Variants in TNS1 observed in about 807,000 individuals in gnomAD.
TNS1 encodes the protein tensin-1.
TNS1 carries 62 observed loss-of-function variants against 168.6 expected under a neutral mutation model. The observed-to-expected ratio is 0.37, with a 90% CI of 0.30 to 0.45. The LOEUF (loss-of-function observed/expected upper bound fraction) is 0.45. Ranked by LOEUF, TNS1 falls within the 20% of genes least tolerant of loss-of-function variation. The pLI, the probability that TNS1 is intolerant of heterozygous loss-of-function variation, is 1.00. For synonymous variants in TNS1, 934 were observed against 933.2 expected, an observed-to-expected ratio of 1.00 and a Z score of -0.02; for missense variants, 2,240 against 2,339.4, an observed-to-expected ratio of 0.96 and a Z score of 0.88.
chr2:217,808,948 A>C (rs530623664), intron 30 of TNS1, among the ~76,000 whole-genome samples: 1 of 152,324 alleles, frequency 6.6e-6, no homozygotes, highest in Admixed American at 6.5e-5. Context: ...CTGGAAGAAG[A>C]AGCAAAGAGG....
At chr2:217,934,496 G>T (rs1956497899) in intron 3 of TNS1, among the ~76,000 whole-genome samples, 1 of 152,188 alleles carries the variant, frequency 6.6e-6, no homozygotes, top group Non-Finnish European at 1.5e-5. Flanking sequence ...TACTCACTTT[G>T]CCTCTGCACC....
chr2:217,888,151 G>A (rs1014898548), intron 12 of TNS1, among the ~76,000 whole-genome samples: 5 of 152,184 alleles, frequency 3.3e-5, no homozygotes, highest in African/African-American at 4.8e-5. Flanking sequence ...TACTCAAGCC[G>A]GAAACCTGGA....
intron 3 of TNS1, among the ~76,000 whole-genome samples, chr2:217,954,410 C>G (rs886543123): frequency 1.1e-4 from 17 of 152,158 alleles, no homozygotes; most frequent in African/African-American, 2.4e-5. Context: ...GGCGATGATG[C>G]TGATGATGAT....
chr2:218,019,538 G>A (rs756860091), intron 1 of TNS1, among the ~76,000 whole-genome samples: 14 of 152,204 alleles, frequency 9.2e-5, no homozygotes, highest in Non-Finnish European at 1.8e-4. Context: ...GAGGACTCAC[G>A]GGGCCTCTTT....
At chr2:217,926,751 C>T (rs1003585563) in intron 3 of TNS1, among the ~76,000 whole-genome samples, 3 of 152,244 alleles carry the variant, frequency 2.0e-5, no homozygotes, top group South Asian at 2.1e-4. Context: ...CAACCACCCA[C>T]GAGGCAAGCA....
intron 19 of TNS1, among the ~76,000 whole-genome samples, chr2:217,842,764 G>A (rs1946149101): frequency 6.6e-6 from 1 of 152,092 alleles, no homozygotes; most frequent in South Asian, 2.1e-4. Flanking sequence ...CTCTGAACTT[G>A]TGTCCTGCTA....
chr2:217,855,556 ATCTC>A lies in TNS1; in HGVS notation c.1430-6473_1430-6470del, dbSNP rs3838562. 3.5e-3 allele frequency among the ~76,000 whole-genome samples: 511 copies of A among 147,536 alleles called. 3 individuals carry two copies. The highest frequency in any genetic ancestry group is 4.1e-3 in the Admixed American group (60 of 14,808). On this transcript the variant is annotated intron_variant, in intron 18 of 32. Coordinates refer to ENST00000682258, the MANE Select transcript of TNS1 (RefSeq NM_001387777.1). ...GAGAGCTTGTTGAGGAAGAGCCTTT[ATCTC>A]TCTCTCTCTCTCTCTCTCTCCCTCT...
intron 3 of TNS1, among the ~76,000 whole-genome samples, chr2:217,945,805 C>T (rs1957090621): frequency 6.6e-6 from 1 of 152,182 alleles, no homozygotes; most frequent in Non-Finnish European, 1.5e-5. Flanking sequence ...TAACCCCTAC[C>T]TGCCACCCCC....
upstream of TNS1, among the ~76,000 whole-genome samples, chr2:218,003,197 C>T (rs186711524): frequency 6.6e-5 from 10 of 150,832 alleles, no homozygotes; most frequent in Non-Finnish European, 7.4e-5. Flanking sequence ...CCCCCCAGGC[C>T]GTGCCCCCCA....
At chr2:217,951,948 C>T (rs1235687661) in intron 3 of TNS1, among the ~76,000 whole-genome samples, 1 of 152,222 alleles carries the variant, frequency 6.6e-6, no homozygotes, top group Non-Finnish European at 1.5e-5. Flanking sequence ...CCCCTTCATT[C>T]CACAAGTACT....
intron 18 of TNS1, 33 bp from the exon 19 acceptor site, chr2:217,849,120 G>C (rs1947119283): frequency 1.9e-6 from 3 of 1,584,394 alleles, no homozygotes; most frequent in South Asian, 2.3e-5. Context: ...GGAGACAACA[G>C]ACAACAGACA....
intron 18 of TNS1, among the ~76,000 whole-genome samples, chr2:217,861,066 G>C (rs560807344): frequency 1.3e-5 from 2 of 152,292 alleles, no homozygotes; most frequent in South Asian, 4.2e-4. Flanking sequence ...AGAGAGTCAG[G>C]TTTGGCAAAA....
intron 3 of TNS1, among the ~76,000 whole-genome samples, chr2:217,951,658 C>G (rs1344333536): frequency 6.6e-6 from 1 of 152,102 alleles, no homozygotes; most frequent in Non-Finnish European, 1.5e-5. Flanking sequence ...CCCAGGCCCT[C>G]AGGGCTCACT....
At chr2:218,014,187 G>A (rs1392960742), upstream of TNS1, among the ~76,000 whole-genome samples, 1 of 152,176 alleles carries the variant, frequency 6.6e-6, no homozygotes, top group Admixed American at 6.5e-5. Flanking sequence ...GCATCTGATC[G>A]GAGACTCCAG....
chr2:217,862,253 C>T (rs943199344), intron 18 of TNS1, among the ~76,000 whole-genome samples: 1 of 151,982 alleles, frequency 6.6e-6, no homozygotes, highest in African/African-American at 2.4e-5. Context: ...TACACTTCGT[C>T]TTACCATGTT....
intron 4 of TNS1, among the ~76,000 whole-genome samples, chr2:217,918,146 C>T (rs1329270698): frequency 6.6e-6 from 1 of 152,164 alleles, no homozygotes; most frequent in Non-Finnish European, 1.5e-5. Context: ...CATTGAAGGA[C>T]TTGGAAAACA....
chr2:217,807,960 G>C, intron 32 of TNS1, 115 bp downstream of exon 32: 1 of 1,278,898 alleles, frequency 7.8e-7, no homozygotes, highest in Non-Finnish European at 1.1e-6. Flanking sequence ...TTGGCACAAA[G>C]GTTTTTGCTG....
At position 217,964,457 on chromosome 2, in the gene TNS1, G is replaced by A. The variant is rs556402968; in HGVS notation, c.186+14308C>T. Among the ~76,000 whole-genome samples, 3 of 152,270 alleles carry A rather than the reference G, an allele frequency of 2.0e-5. No individual in the cohort carries two copies. The East Asian group carries it at 5.8e-4, about 29-fold the overall frequency. ...GCCTGGGCTCAAGTCCCCGGTCCTG[G>A]TTCCACCACCTTACCGGCTGTGTGA... On this transcript the variant is annotated intron_variant, in intron 3 of 32. Coordinates refer to ENST00000682258, the MANE Select transcript of TNS1 (RefSeq NM_001387777.1).
chr2:218,027,793 G>A (rs1958862830), intron 1 of TNS1, among the ~76,000 whole-genome samples: 1 of 152,192 alleles, frequency 6.6e-6, no homozygotes, highest in South Asian at 2.1e-4. Context: ...CAGAGGGGCT[G>A]AAAGGTGAGC....
Sources: allele counts gnomAD v4.1 joint callset (sites outside exome capture counted in the v4.1 genomes callset), GRCh38; gene constraint gnomAD v4.1.1; transcripts MANE v1.5; gene names NCBI Gene and HGNC (gene_info 2026-07-23, HGNC 2026-07-21).